AGO1: variants seen among roughly 807,000 people sequenced by gnomAD.
The protein encoded by AGO1 is protein argonaute-1.
A neutral mutation model predicts 109.2 loss-of-function variants in AGO1; 11 were observed. The ratio of observed to expected loss-of-function variants is 0.10; its 90% CI spans 0.06 to 0.17. The LOEUF is 0.17. Among genes scored for constraint, AGO1 ranks in the 10% least tolerant of loss-of-function variants. The pLI is 1.00. For missense variants in AGO1, 574 were observed against 1,140.3 expected, an observed-to-expected ratio of 0.50 and a Z score of 7.15; for synonymous variants, 422 against 418.6, an observed-to-expected ratio of 1.01 and a Z score of -0.10.
rs1284576990 is a variant in AGO1 at position 35,888,776 on chromosome 1, C to G, written c.209+166C>G. On this transcript the variant is annotated intron_variant, in intron 2 of 18. Transcript: ENST00000373204. The surrounding 1 kb of genome is among the most constrained non-coding windows in gnomAD (Gnocchi z 4.1). Reference sequence around the variant, plus strand: ...AATGCTGAAAAATAGTCCAATTGGACTTCGCTATTGGAAGATTATTAGTGG... The same window carrying G: ...AATGCTGAAAAATAGTCCAATTGGAGTTCGCTATTGGAAGATTATTAGTGG... Among the ~76,000 whole-genome samples the G allele has an allele frequency of 6.6e-6, 1 of 152,206 alleles. No homozygotes were observed. Among genetic ancestry groups the G allele is most frequent in the Non-Finnish European group, 1.5e-5 (1 of 68,042 alleles).
At position 35,892,461 on chromosome 1, in the gene AGO1, A is replaced by G. The variant is rs1645238283; in HGVS notation, c.210-96A>G. The G allele has an allele frequency of 4.6e-6, 7 of 1,524,468 alleles. No homozygotes were observed. In the East Asian group the frequency reaches 6.8e-5, roughly 15 times the overall value. 94.4% of individuals were successfully genotyped at this position (1,524,468 alleles called of 1,614,324 possible). ...CATAGAGTAGATGTTAGGAGTGAGTATAATAGATGGGACATTGCCTGGACT... is the reference window on the plus strand; with the variant it reads ...CATAGAGTAGATGTTAGGAGTGAGTGTAATAGATGGGACATTGCCTGGACT... On this transcript the variant is annotated intron_variant, in intron 2 of 18. Coordinates refer to ENST00000373204, the MANE Select transcript of AGO1 (RefSeq NM_012199.5).
chr1:35,883,545 G>C lies in AGO1; in HGVS notation c.25+99G>C, dbSNP rs928398843. ...AAGTGATGGAAGCGCTCCTGAGTGA[G>C]GAGAAGGGCTCTCCCACGATGGGGG... is the stretch of plus-strand genomic sequence containing the variant. On this transcript the variant is annotated intron_variant, in intron 1 of 18. Transcript: ENST00000373204. The surrounding 1 kb of genome is among the most constrained non-coding windows in gnomAD (Gnocchi z 5.4). 2 of 1,423,050 alleles carry C rather than the reference G, an allele frequency of 1.4e-6. No individual in the cohort carries two copies. The highest frequency in any genetic ancestry group is 1.8e-6 in the Non-Finnish European group (2 of 1,086,332). The allele number at this position is 1,423,050 out of a possible 1,614,324, so 88.2% of individuals were successfully genotyped here.
rs1645534232 is a variant in AGO1, at chr1:35,907,029, A to G, written c.1492A>G (p.Ser498Gly). Residue 498 changes from serine (S) to glycine (G), a missense_variant, in exon 12 of 19, where the codon AGC (serine) becomes GGC (glycine). Ser to Gly is a moderately conservative substitution (Grantham distance 56, BLOSUM62 0). Coordinates refer to ENST00000373204, the MANE Select transcript of AGO1 (RefSeq NM_012199.5). ...CTGCAAATATGCACAGGGGGCAGAC[A>G]GCGTGGAGCCTATGTTCCGGCATCT... is the stretch of plus-strand genomic sequence containing the variant. ...CFCKYAQGAD[S>G]VEPMFRHLKN... The G allele has an allele frequency of 6.2e-7, 1 of 1,614,016 alleles. No individual in the cohort carries two copies. Among genetic ancestry groups the G allele is most frequent in the Non-Finnish European group, 8.5e-7 (1 of 1,180,020 alleles).
chr1:35,911,913 T>TA (rs1314003350), intron 12 of AGO1, among the ~76,000 whole-genome samples: 1 of 152,224 alleles, frequency 6.6e-6, no homozygotes, highest in Non-Finnish European at 1.5e-5. Context: ...GCACTCGTGA[T>TA]ACAACACTAT....
Position 35,920,888 on chromosome 1 carries a change from A to C in AGO1, c.*1281A>C, listed in dbSNP as rs1219582033. Reference sequence around the variant, plus strand: ...TATTTTTATACCATAACTTGAGTGTATTGCCAAAATTTGGAAATCCTTCCC... The same window carrying C: ...TATTTTTATACCATAACTTGAGTGTCTTGCCAAAATTTGGAAATCCTTCCC... On this transcript the variant is annotated 3_prime_UTR_variant, in exon 19 of 19. Coordinates refer to ENST00000373204, the MANE Select transcript of AGO1 (RefSeq NM_012199.5). 6.6e-6 allele frequency: 1 copy of C among 152,664 alleles called. No individual in the cohort carries two copies. The highest frequency in any genetic ancestry group is 1.5e-5 in the Non-Finnish European group (1 of 68,044). 9.5% of individuals were successfully genotyped at this position (152,664 alleles called of 1,614,324 possible).
intron 15 of AGO1, among the ~76,000 whole-genome samples, chr1:35,916,143 C>G (rs2148724355): frequency 6.6e-6 from 1 of 152,028 alleles, no homozygotes; most frequent in Non-Finnish European, 1.5e-5. Flanking sequence ...AAGCACTTCA[C>G]TTTCTTTTTT....
chr1:35,917,485 T>A, intron 15 of AGO1, 108 bp from the exon 16 acceptor site: 1 of 1,332,180 alleles, frequency 7.5e-7, no homozygotes, highest in South Asian at 1.7e-5. Flanking sequence ...AAAGGGAGAC[T>A]GAGCCAAAAG....
intron 8 of AGO1, among the ~76,000 whole-genome samples, chr1:35,896,568 T>C (rs1289679574): frequency 2.6e-5 from 4 of 151,910 alleles, no homozygotes; most frequent in African/African-American, 9.7e-5. Flanking sequence ...TTTTGCCATG[T>C]TGGCCACACT....
intron 11 of AGO1, 135 bp downstream of exon 11, chr1:35,902,472 C>G: frequency 8.6e-7 from 1 of 1,169,578 alleles, no homozygotes; most frequent in Non-Finnish European, 1.1e-6. Flanking sequence ...CTTTCTGGCT[C>G]AAACTTCTAC....
At chr1:35,872,071 G>GAA (rs1303552763) in intron 1 of AGO1, among the ~76,000 whole-genome samples, 3 of 78,784 alleles carry the variant, frequency 3.8e-5, no homozygotes, top group African/African-American at 1.3e-4. Context: ...CTCCATCTCA[G>GAA]AAAAAAAAAA....
upstream of AGO1, chr1:35,883,124 C>T: frequency 9.1e-7 from 1 of 1,096,806 alleles, no homozygotes; most frequent in Non-Finnish European, 1.1e-6. The surrounding 1 kb of genome is among the most constrained non-coding windows in gnomAD (Gnocchi z 5.4). Context: ...TGCCCCCGCC[C>T]CTCTCCATTG....
At chr1:35,873,086 C>G (rs1005378619) in intron 1 of AGO1, among the ~76,000 whole-genome samples, 1 of 150,740 alleles carries the variant, frequency 6.6e-6, no homozygotes, top group African/African-American at 2.4e-5. Flanking sequence ...GTATTACTGT[C>G]TATGCTTAGC....
At chr1:35,879,993 G>C (rs1161106722), upstream of AGO1, among the ~76,000 whole-genome samples, 2 of 151,808 alleles carry the variant, frequency 1.3e-5, no homozygotes, top group Non-Finnish European at 2.9e-5. Context: ...GGAATGCTGA[G>C]GTTCCAGCTC....
At chr1:35,891,906 C>T (rs1419851452) in intron 2 of AGO1, among the ~76,000 whole-genome samples, 2 of 151,310 alleles carry the variant, frequency 1.3e-5, no homozygotes, top group African/African-American at 4.9e-5. Context: ...GAGACAGGGT[C>T]TCGCTGTGTC....
At chr1:35,903,511 A>G (rs1425209079) in intron 11 of AGO1, among the ~76,000 whole-genome samples, 1 of 152,044 alleles carries the variant, frequency 6.6e-6, no homozygotes, top group Non-Finnish European at 1.5e-5. Context: ...AGACAAGGGT[A>G]GTGGGGAAGT....
At position 35,919,357 on chromosome 1, in the gene AGO1, T is replaced by G. The variant is rs1645791683; in HGVS notation, c.2465+103T>G. The G allele has an allele frequency of 6.8e-7, 1 of 1,475,758 alleles. No homozygotes were observed. The highest frequency in any genetic ancestry group is 9.2e-7 in the Non-Finnish European group (1 of 1,083,392). The allele number at this position is 1,475,758 out of a possible 1,614,324, so 91.4% of individuals were successfully genotyped here. On this transcript the variant is annotated intron_variant, in intron 18 of 18. Transcript: ENST00000373204. This position sits in a 1 kb window ranked among gnomAD's most constrained non-coding sequence, Gnocchi z 6.6. ...AGGAAATGAGTGCTGTCCAATTTGGTGTCATTGGGCTCGTCTGCCCAATCC... is the reference window on the plus strand; with the variant it reads ...AGGAAATGAGTGCTGTCCAATTTGGGGTCATTGGGCTCGTCTGCCCAATCC...
At chr1:35,882,850 C>T (rs771580019), upstream of AGO1, 349 of 985,242 alleles carry the variant, frequency 3.5e-4, no homozygotes, top group Non-Finnish European at 4.0e-4. This position sits in a 1 kb window ranked among gnomAD's most constrained non-coding sequence, Gnocchi z 5.1. Flanking sequence ...GGCCCCTGGG[C>T]GCTGGAGTGC....
intron 11 of AGO1, 44 bp downstream of exon 11, chr1:35,902,381 T>C: frequency 1.3e-6 from 2 of 1,597,322 alleles, no homozygotes; most frequent in Non-Finnish European, 1.7e-6. Context: ...GGAAGGACCC[T>C]GGAGCTGCCT....
chr1:35,916,701 CT>C, intron 15 of AGO1, among the ~76,000 whole-genome samples: 1 of 152,312 alleles, frequency 6.6e-6, no homozygotes, highest in Non-Finnish European at 1.5e-5. Flanking sequence ...CCAGTATTTT[CT>C]AAAATAACAG....
Sources: allele counts gnomAD v4.1 joint callset (sites outside exome capture counted in the v4.1 genomes callset), GRCh38; gene constraint gnomAD v4.1.1; non-coding constraint Gnocchi (gnomAD v3.1); transcripts MANE v1.5; gene names NCBI Gene and HGNC (gene_info 2026-07-23, HGNC 2026-07-21).